NTRK3: variants seen among roughly 807,000 people sequenced by gnomAD.
NTRK3 encodes the protein NT-3 growth factor receptor.
NTRK3 carries 24 observed loss-of-function variants against 91.7 expected under a neutral mutation model. That is an observed-to-expected ratio of 0.26 (90% confidence interval 0.19 to 0.37). The LOEUF is 0.37. Ranked by LOEUF, NTRK3 falls within the 10% of genes least tolerant of loss-of-function variation. NTRK3 has a pLI of 1.00. For missense variants in NTRK3, 880 were observed against 1,068.9 expected, an observed-to-expected ratio of 0.82 and a Z score of 2.46; for synonymous variants, 483 against 404.0, an observed-to-expected ratio of 1.20 and a Z score of -2.34.
At chr15:88,191,317 A>T (rs1320287175) in intron 3 of NTRK3, among the ~76,000 whole-genome samples, 1 of 152,072 alleles carries the variant, frequency 6.6e-6, no homozygotes, top group Non-Finnish European at 1.5e-5. Context: ...CCTACCGAGT[A>T]GCTGGGACTA....
intron 14 of NTRK3, among the ~76,000 whole-genome samples, chr15:88,032,474 G>A (rs939124114): frequency 3.3e-5 from 5 of 152,130 alleles, no homozygotes; most frequent in Non-Finnish European, 1.5e-5. Context: ...AGGCTTGGGT[G>A]GAGGTTCTGG....
intron 7 of NTRK3, among the ~76,000 whole-genome samples, chr15:88,137,166 C>T (rs1445808830): frequency 1.3e-5 from 2 of 152,320 alleles, no homozygotes; most frequent in South Asian, 2.1e-4. Context: ...AGAAGGAGCA[C>T]ATTTAACTCC....
At chr15:87,915,471 C>A (rs1017480790) in intron 17 of NTRK3, among the ~76,000 whole-genome samples, 2 of 152,220 alleles carry the variant, frequency 1.3e-5, no homozygotes, top group African/African-American at 4.8e-5. Flanking sequence ...CTACTAACTC[C>A]ACAATAGAAA....
intron 5 of NTRK3, among the ~76,000 whole-genome samples, chr15:88,175,561 C>T (rs2045921940): frequency 6.6e-6 from 1 of 151,890 alleles, no homozygotes; most frequent in Non-Finnish European, 1.5e-5. Flanking sequence ...CAAATTGATC[C>T]ATTTTAGAAT....
chr15:88,086,305 A>G (rs1326631171), intron 13 of NTRK3, among the ~76,000 whole-genome samples: 1 of 152,220 alleles, frequency 6.6e-6, no homozygotes, highest in Non-Finnish European at 1.5e-5. Flanking sequence ...CACTAGCTAC[A>G]TGCAATTACT....
chr15:88,223,135 A>C (rs1054939537), intron 3 of NTRK3, among the ~76,000 whole-genome samples: 2 of 152,174 alleles, frequency 1.3e-5, no homozygotes, highest in Non-Finnish European at 2.9e-5. Flanking sequence ...ATTGGGCAGA[A>C]GGCAGATGTC....
At chr15:88,183,522 T>C (rs2046694330) in intron 4 of NTRK3, 33 bp from the exon 5 acceptor site, 3 of 1,601,110 alleles carry the variant, frequency 1.9e-6, no homozygotes, top group South Asian at 2.2e-5. Context: ...TCAGCAGAGC[T>C]CAAGTGGCAG....
chr15:88,071,443 G>A (rs2047082335), intron 13 of NTRK3, among the ~76,000 whole-genome samples: 2 of 152,232 alleles, frequency 1.3e-5, no homozygotes, highest in East Asian at 1.9e-4. Context: ...AGAATACCAG[G>A]GAAGTTATAT....
intron 10 of NTRK3, among the ~76,000 whole-genome samples, chr15:88,132,422 T>A (rs954415909): frequency 6.6e-6 from 1 of 152,218 alleles, no homozygotes; most frequent in South Asian, 2.1e-4. Context: ...AGAGAAGTGA[T>A]TGTCCTCCAT....
chr15:88,092,149 T>A (rs963126946), intron 13 of NTRK3, among the ~76,000 whole-genome samples: 1 of 152,128 alleles, frequency 6.6e-6, no homozygotes, highest in Non-Finnish European at 1.5e-5. Context: ...TGCAGCTTAG[T>A]CTCAGCCTCA....
chr15:87,928,861 GTGTT>G (rs1425755671), intron 17 of NTRK3: 4 of 513,816 alleles, frequency 7.8e-6, no homozygotes, highest in African/African-American at 7.6e-5. Flanking sequence ...GTCTGTGTGT[GTGTT>G]TGGGCACATA....
At chr15:87,945,502 T>C (rs1596346777) in intron 14 of NTRK3, among the ~76,000 whole-genome samples, 1 of 152,178 alleles carries the variant, frequency 6.6e-6, no homozygotes, top group East Asian at 1.9e-4. Context: ...TTGAGGTAAC[T>C]GGTCACCTCT....
At chr15:87,983,019 G>T (rs531137761) in intron 14 of NTRK3, among the ~76,000 whole-genome samples, 1 of 152,312 alleles carries the variant, frequency 6.6e-6, no homozygotes, top group South Asian at 2.1e-4. Flanking sequence ...TTTGTTATCT[G>T]AGATGAGACT....
chr15:88,075,098 T>C (rs2047419778), intron 13 of NTRK3, among the ~76,000 whole-genome samples: 1 of 152,090 alleles, frequency 6.6e-6, no homozygotes, highest in Non-Finnish European at 1.5e-5. Flanking sequence ...CCAAACTCCT[T>C]CTAGAATTAG....
intron 13 of NTRK3, among the ~76,000 whole-genome samples, chr15:88,088,987 T>C (rs2048762472): frequency 6.6e-6 from 1 of 152,154 alleles, no homozygotes; most frequent in Non-Finnish European, 1.5e-5. Context: ...GTACTGAATA[T>C]AGTTCCTGAC....
chr15:88,141,008 G>A (rs926004808), intron 6 of NTRK3, among the ~76,000 whole-genome samples: 4 of 152,170 alleles, frequency 2.6e-5, no homozygotes, highest in Non-Finnish European at 4.4e-5. Context: ...GGAAATCAAC[G>A]GCAGGGAGAA....
At chr15:87,926,449 A>T (rs1000046970) in intron 17 of NTRK3, among the ~76,000 whole-genome samples, 1 of 152,176 alleles carries the variant, frequency 6.6e-6, no homozygotes, top group African/African-American at 2.4e-5. Context: ...ATTTCGAGCT[A>T]GCTGGCCTTG....
At chr15:88,101,370 G>A (rs1169503582) in intron 13 of NTRK3, among the ~76,000 whole-genome samples, 2 of 152,174 alleles carry the variant, frequency 1.3e-5, no homozygotes, top group East Asian at 3.9e-4. Flanking sequence ...GGAAACAACA[G>A]GTGCTGGAAA....
chr15:88,172,942 T>G (rs2045653488), intron 5 of NTRK3, among the ~76,000 whole-genome samples: 1 of 152,174 alleles, frequency 6.6e-6, no homozygotes, highest in African/African-American at 2.4e-5. Flanking sequence ...CCCAGGAGAC[T>G]AATGGTATGA....
Sources: gnomAD v4.1 joint callset for allele counts (sites outside exome capture counted in the v4.1 genomes callset) on GRCh38, gnomAD v4.1.1 for gene constraint, MANE v1.5 for transcripts, NCBI Gene and HGNC (gene_info 2026-07-23, HGNC 2026-07-21) for gene names.